Variants in EIF2AK3 observed in about 807,000 individuals in gnomAD.
EIF2AK3 encodes the protein eukaryotic translation initiation factor 2 alpha kinase 3, also known as eukaryotic translation initiation factor 2-alpha kinase 3.
In EIF2AK3, 50 loss-of-function variants were observed where a neutral mutation model predicts 113.5. That is an observed-to-expected ratio of 0.44 (90% CI 0.35 to 0.56). The LOEUF (loss-of-function observed/expected upper bound fraction) is 0.56. Among genes scored for constraint, EIF2AK3 ranks in the 20% least tolerant of loss-of-function variants. EIF2AK3 has a pLI of 0.00. For missense variants in EIF2AK3, 1,185 were observed against 1,378.0 expected, an observed-to-expected ratio of 0.86 and a Z score of 2.22; for synonymous variants, 448 against 495.4, an observed-to-expected ratio of 0.90 and a Z score of 1.27.
intron 6 of EIF2AK3, among the ~76,000 whole-genome samples, chr2:88,589,701 A>C (rs188348438): frequency 1.2e-4 from 18 of 150,608 alleles, no homozygotes; most frequent in Non-Finnish European, 2.7e-4. Context: ...ATATATATAA[A>C]CAGACAGAGT....
At chr2:88,581,934 C>T (rs1674609977) in intron 10 of EIF2AK3, among the ~76,000 whole-genome samples, 2 of 152,146 alleles carry the variant, frequency 1.3e-5, no homozygotes, top group Admixed American at 6.5e-5. Context: ...CTCCAGAAAG[C>T]TGGATATGCT....
At chr2:88,615,558 A>G (rs973473532) in intron 1 of EIF2AK3, among the ~76,000 whole-genome samples, 3 of 152,154 alleles carry the variant, frequency 2.0e-5, no homozygotes, top group Non-Finnish European at 4.4e-5. Context: ...TCTTCACCAG[A>G]TACTGAATCT....
In EIF2AK3 at chr2:88,593,389, G is replaced by A. The variant is rs1227879512; in HGVS notation, c.650C>T (p.Ser217Leu). Residue 217 changes from serine to leucine, a missense_variant, in exon 4 of 17, where the codon TCA (serine) becomes TTA (leucine). Physicochemically the swap from Ser to Leu is moderately radical, Grantham distance 145. Transcript: ENST00000303236. ...ATCCCATTGGCGACAACCCAGAGCT[G>A]AACAGATATACCTCACCTGAAAAGA... ...AYSGKVRYIC[S>L]ALGCRQWDSD... is the part of the protein sequence containing the mutation. 6.2e-7 allele frequency: 1 copy of A among 1,613,830 alleles called. No homozygotes were observed. Among genetic ancestry groups the A allele is most frequent in the Non-Finnish European group, 8.5e-7 (1 of 1,179,944 alleles).
At chr2:88,577,416 A>C (rs1053678316) in intron 11 of EIF2AK3, among the ~76,000 whole-genome samples, 2 of 151,750 alleles carry the variant, frequency 1.3e-5, no homozygotes, top group Non-Finnish European at 2.9e-5. Context: ...ATAAAGTTTT[A>C]AAATCCCAAC....
intron 14 of EIF2AK3, among the ~76,000 whole-genome samples, chr2:88,566,353 C>T (rs1674126091): frequency 1.3e-5 from 2 of 152,026 alleles, no homozygotes; most frequent in African/African-American, 4.8e-5. Flanking sequence ...CTATTTTGCC[C>T]AGGCTGGCCT....
intron 16 of EIF2AK3, among the ~76,000 whole-genome samples, chr2:88,558,275 GATT>G (rs774723143): frequency 8.8e-4 from 134 of 152,128 alleles, no homozygotes; most frequent in Non-Finnish European, 1.4e-3. Flanking sequence ...CATTATAAAG[GATT>G]ATTTAATCAC....
intron 2 of EIF2AK3, among the ~76,000 whole-genome samples, chr2:88,611,306 A>G (rs948197161): frequency 6.6e-6 from 1 of 152,084 alleles, no homozygotes; most frequent in Non-Finnish European, 1.5e-5. Flanking sequence ...CAACTTATCA[A>G]CCTCAGAAGG....
chr2:88,579,735 A>G (rs966385717), intron 10 of EIF2AK3, 95 bp from the exon 11 acceptor site: 31 of 1,160,128 alleles, frequency 2.7e-5, no homozygotes, highest in Non-Finnish European at 3.5e-5. Flanking sequence ...ATAAAAATGT[A>G]TAAACTCATA....
chr2:88,560,452 G>T (rs1673918884), intron 15 of EIF2AK3, among the ~76,000 whole-genome samples: 1 of 152,044 alleles, frequency 6.6e-6, no homozygotes, highest in Non-Finnish European at 1.5e-5. Context: ...AGGGTCTCAT[G>T]GTGCCCAGGC....
At chr2:88,595,845 A>G (rs1437625817) in intron 2 of EIF2AK3, 182 bp from the exon 3 acceptor site, 3 of 691,728 alleles carry the variant, frequency 4.3e-6, no homozygotes, top group South Asian at 3.2e-5. Context: ...CAGTCCATCA[A>G]CCAAAAGTAA....
intron 2 of EIF2AK3, among the ~76,000 whole-genome samples, chr2:88,604,228 C>T (rs1675217877): frequency 6.6e-6 from 1 of 152,142 alleles, no homozygotes; most frequent in South Asian, 2.1e-4. Context: ...GCTTACTAGA[C>T]CCTGCATAAC....
chr2:88,557,677 A>G lies in EIF2AK3; in HGVS notation c.*59T>C, dbSNP rs886181149. 21 of 1,580,212 alleles carry G rather than the reference A, an allele frequency of 1.3e-5. No individual in the cohort carries two copies. The highest frequency in any genetic ancestry group is 1.8e-5 in the Non-Finnish European group (21 of 1,149,144). Reference sequence around the variant, plus strand: ...CAAGTCTGCAATTTTGGACAGGCATATTCTAAGAAGTAGGCTATTATCTGC... The same window carrying G: ...CAAGTCTGCAATTTTGGACAGGCATGTTCTAAGAAGTAGGCTATTATCTGC... On this transcript the variant is annotated 3_prime_UTR_variant, in exon 17 of 17. Coordinates refer to ENST00000303236, the MANE Select transcript of EIF2AK3 (RefSeq NM_004836.7).
intron 1 of EIF2AK3, among the ~76,000 whole-genome samples, chr2:88,626,422 G>A (rs1179179598): frequency 2.0e-5 from 3 of 152,152 alleles, no homozygotes; most frequent in Non-Finnish European, 2.9e-5. Context: ...CTGGGGTAGG[G>A]CCTAGAAAAC....
chr2:88,601,932 A>C (rs1470157376), intron 2 of EIF2AK3, among the ~76,000 whole-genome samples: 1 of 146,172 alleles, frequency 6.8e-6, no homozygotes, highest in African/African-American at 2.6e-5. Flanking sequence ...GCTCACTGCA[A>C]CCTCCACCTC....
rs140679318 is a variant in EIF2AK3, at chr2:88,604,029, T to C, written c.439-8366A>G. On this transcript the variant is annotated intron_variant, in intron 2 of 16. Transcript: ENST00000303236. ...CACTTTACTTCACTCATTTCCACTG[T>C]CTCCATCCAGTCTATCATCCCCATC... Among the ~76,000 whole-genome samples the C allele has an allele frequency of 1.9e-3, 295 of 152,294 alleles. 2 individuals carry two copies. The highest frequency in any genetic ancestry group is 3.4e-3 in the Middle Eastern group (1 of 294).
chr2:88,595,913 T>A lies in EIF2AK3; in HGVS notation c.439-250A>T, dbSNP rs1049356124. On this transcript the variant is annotated intron_variant, in intron 2 of 16. Coordinates refer to ENST00000303236, the MANE Select transcript of EIF2AK3 (RefSeq NM_004836.7). ...ACACATAGTACTCTAGTAAGATTTT[T>A]CTCAAACTCAGTTTACCATGGGCCA... 3 of 534,850 alleles carry A rather than the reference T, an allele frequency of 5.6e-6. No homozygotes were observed. In the African/African-American group the frequency reaches 5.7e-5, roughly 10 times the overall value. 33.1% of individuals were successfully genotyped at this position (534,850 alleles called of 1,614,324 possible). A position where few individuals can be genotyped will look rare whatever the true frequency, so the allele number is the denominator to read the frequency against.
chr2:88,588,201 T>C, intron 7 of EIF2AK3, 97 bp from the exon 8 acceptor site: 1 of 783,276 alleles, frequency 1.3e-6, no homozygotes. Flanking sequence ...AATAAACTGA[T>C]ATTCAACCAT....
intron 1 of EIF2AK3, among the ~76,000 whole-genome samples, chr2:88,616,439 T>C (rs1367315346): frequency 6.6e-6 from 1 of 152,198 alleles, no homozygotes; most frequent in African/African-American, 2.4e-5. Flanking sequence ...ATTTATTTAT[T>C]TTTTGAGACA....
At chr2:88,582,814 TAAG>T (rs1333908419) in intron 10 of EIF2AK3, among the ~76,000 whole-genome samples, 2 of 152,122 alleles carry the variant, frequency 1.3e-5, no homozygotes, top group Non-Finnish European at 1.5e-5. Context: ...ACTAAAGTGA[TAAG>T]AAGTATGCTA....
Sources: gnomAD v4.1 joint callset for allele counts (sites outside exome capture counted in the v4.1 genomes callset) on GRCh38, gnomAD v4.1.1 for gene constraint, MANE v1.5 for transcripts, NCBI Gene and HGNC (gene_info 2026-07-23, HGNC 2026-07-21) for gene names.